Variants in NDEL1 observed in about 807,000 individuals in gnomAD.
The protein encoded by NDEL1 is nuclear distribution protein nudE-like 1.
A neutral mutation model predicts 45.7 loss-of-function variants in NDEL1; 9 were observed. The observed-to-expected ratio is 0.20, with a 90% CI of 0.12 to 0.34. The LOEUF (loss-of-function observed/expected upper bound fraction) is 0.34. NDEL1 is among the 10% of genes least tolerant of loss of function. NDEL1 has a pLI of 1.00. For missense variants in NDEL1, 306 were observed against 406.2 expected, an observed-to-expected ratio of 0.75 and a Z score of 2.12; for synonymous variants, 133 against 158.6, an observed-to-expected ratio of 0.84 and a Z score of 1.21.
At chr17:8,473,743 TTC>T (rs1597570247) in intron 3 of NDEL1, among the ~76,000 whole-genome samples, 1 of 152,226 alleles carries the variant, frequency 6.6e-6, no homozygotes. Flanking sequence ...GAAATCGGCA[TTC>T]TCTGTTTGAT....
At chr17:8,469,350 GCA>G (rs1482352570), downstream of NDEL1, among the ~76,000 whole-genome samples, 1 of 152,190 alleles carries the variant, frequency 6.6e-6, no homozygotes, top group African/African-American at 2.4e-5. Context: ...TCTGGTTAAA[GCA>G]CAGTTGATGT....
At position 8,459,902 on chromosome 17, in the gene NDEL1, C is replaced by T. The variant is rs1000698368; in HGVS notation, c.793-107C>T. ...TGGCTGAACTAACCACCATTATCAACTGAGATGAGTAAGTTTTGAGGCTTG... is the reference window on the plus strand; with the variant it reads ...TGGCTGAACTAACCACCATTATCAATTGAGATGAGTAAGTTTTGAGGCTTG... On this transcript the variant is annotated intron_variant, in intron 7 of 8. Coordinates refer to ENST00000334527, the MANE Select transcript of NDEL1 (RefSeq NM_030808.5). 98 of 1,168,568 alleles carry T rather than the reference C, an allele frequency of 8.4e-5. No homozygotes were observed. In the Admixed American group the frequency reaches 2.1e-3, roughly 25 times the overall value. The allele number at this position is 1,168,568 out of a possible 1,614,324, so 72.4% of individuals were successfully genotyped here.
At chr17:8,459,962 G>T in intron 7 of NDEL1, 47 bp from the exon 8 acceptor site, 1 of 1,562,860 alleles carries the variant, frequency 6.4e-7, no homozygotes, top group Non-Finnish European at 8.7e-7. Flanking sequence ...ATTTTTATGT[G>T]CAGCTACTGT....
chr17:8,469,505 A>G (rs1482344556), downstream of NDEL1, among the ~76,000 whole-genome samples: 1 of 152,138 alleles, frequency 6.6e-6, no homozygotes, highest in Non-Finnish European at 1.5e-5. Flanking sequence ...CCCTGGCTAC[A>G]GGGGCCCACG....
chr17:8,450,398 C>T (rs1910413231), intron 5 of NDEL1, among the ~76,000 whole-genome samples: 1 of 152,022 alleles, frequency 6.6e-6, no homozygotes, highest in Non-Finnish European at 1.5e-5. Context: ...TTAATGCCAG[C>T]CCATTTAAAA....
intron 2 of NDEL1, 187 bp downstream of exon 2, chr17:8,444,544 A>G: frequency 2.1e-6 from 1 of 475,330 alleles, no homozygotes; most frequent in Non-Finnish European, 3.7e-6. Flanking sequence ...ATAAGTCTTT[A>G]TATTGTTCAA....
At chr17:8,413,999 G>A (rs766616509) in intron 1 of NDEL1, among the ~76,000 whole-genome samples, 5 of 152,162 alleles carry the variant, frequency 3.3e-5, no homozygotes, top group Non-Finnish European at 7.3e-5. Context: ...TTGGCATATA[G>A]ACATCTAGAC....
intron 4 of NDEL1, among the ~76,000 whole-genome samples, chr17:8,447,894 A>G (rs922907151): frequency 1.4e-5 from 2 of 139,180 alleles, no homozygotes; most frequent in African/African-American, 2.6e-5. Flanking sequence ...TACATTCACT[A>G]TGTTAATACC....
chr17:8,420,759 G>A (rs2151693410), intron 1 of NDEL1, among the ~76,000 whole-genome samples: 1 of 152,298 alleles, frequency 6.6e-6, no homozygotes, highest in East Asian at 1.9e-4. Flanking sequence ...AAGAGAAGGA[G>A]AACCAAGCCT....
intron 1 of NDEL1, among the ~76,000 whole-genome samples, chr17:8,425,602 T>C (rs886722565): frequency 3.3e-5 from 5 of 151,668 alleles, no homozygotes; most frequent in African/African-American, 1.2e-4. Flanking sequence ...AAAAAATCAT[T>C]GAAAGCTTTT....
At chr17:8,466,286 T>C (rs1911582963) in intron 8 of NDEL1, 1 of 152,224 alleles carries the variant, frequency 6.6e-6, no homozygotes, top group African/African-American at 2.4e-5. Context: ...TATGTACATA[T>C]ATGTTGGTGT....
At chr17:8,434,113 C>T (rs80224623), upstream of NDEL1, among the ~76,000 whole-genome samples, 1,709 of 152,320 alleles carry the variant, frequency 0.011, 30 homozygotes, top group African/African-American at 0.039. Context: ...CCTAAAAGCA[C>T]TGAAATTGGA....
chr17:8,439,013 C>T (rs1003943272), intron 1 of NDEL1, among the ~76,000 whole-genome samples: 1 of 150,394 alleles, frequency 6.6e-6, no homozygotes. Flanking sequence ...GCGCTCTCGG[C>T]TCACTGCAAG....
intron 1 of NDEL1, 157 bp downstream of exon 1, chr17:8,436,202 T>G (rs1358395855): frequency 4.2e-6 from 1 of 237,058 alleles, no homozygotes; most frequent in East Asian, 1.8e-4. Context: ...GGGGCAACTG[T>G]TCCAACCGCT....
intron 1 of NDEL1, among the ~76,000 whole-genome samples, chr17:8,423,070 T>C (rs907424926): frequency 2.0e-4 from 30 of 152,210 alleles, no homozygotes; most frequent in Non-Finnish European, 2.4e-4. Flanking sequence ...TTGTGTTGTA[T>C]CTCATAGGGA....
intron 1 of NDEL1, among the ~76,000 whole-genome samples, chr17:8,416,377 A>G (rs1167797387): frequency 2.0e-5 from 3 of 152,206 alleles, no homozygotes; most frequent in African/African-American, 7.2e-5. Flanking sequence ...GGTAATTTTG[A>G]TAGGTTTTGA....
chr17:8,432,915 G>A (rs115327311), upstream of NDEL1, among the ~76,000 whole-genome samples: 1,707 of 152,180 alleles, frequency 0.011, 30 homozygotes, highest in African/African-American at 0.039. Context: ...TAATAAGTAC[G>A]TTATTATTCT....
upstream of NDEL1, chr17:8,431,452 T>C (rs1908996815): frequency 1.3e-5 from 2 of 152,272 alleles, no homozygotes; most frequent in Admixed American, 6.5e-5. Context: ...ACAGGCTCAT[T>C]GTGAGGACTG....
intron 1 of NDEL1, among the ~76,000 whole-genome samples, chr17:8,443,306 G>C (rs1277611916): frequency 6.6e-6 from 1 of 152,190 alleles, no homozygotes; most frequent in Non-Finnish European, 1.5e-5. Context: ...TACAGAGGTA[G>C]CAAAGAATGC....
Sources: allele counts gnomAD v4.1 joint callset (sites outside exome capture counted in the v4.1 genomes callset), GRCh38; gene constraint gnomAD v4.1.1; transcripts MANE v1.5; gene names NCBI Gene and HGNC (gene_info 2026-07-23, HGNC 2026-07-21).